Variants in GRIN2A observed in about 807,000 individuals in gnomAD.
GRIN2A encodes the protein glutamate ionotropic receptor NMDA type subunit 2A.
GRIN2A carries 22 observed loss-of-function variants against 113.4 expected under a neutral mutation model. The ratio of observed to expected loss-of-function variants is 0.19; its 90% CI spans 0.14 to 0.28. The LOEUF (loss-of-function observed/expected upper bound fraction) is 0.28. Among genes scored for constraint, GRIN2A ranks in the 10% least tolerant of loss-of-function variants. GRIN2A has a pLI of 1.00. For synonymous variants in GRIN2A, 827 were observed against 738.4 expected, an observed-to-expected ratio of 1.12 and a Z score of -1.94; for missense variants, 1,502 against 1,887.0, an observed-to-expected ratio of 0.80 and a Z score of 3.78.
intron 2 of GRIN2A, among the ~76,000 whole-genome samples, chr16:9,984,320 G>T (rs2045942675): frequency 6.6e-6 from 1 of 151,876 alleles, no homozygotes; most frequent in Admixed American, 6.6e-5. Flanking sequence ...CATTCTGCAG[G>T]TTGTCTCTTC....
chr16:10,049,825 A>AT (rs1369162024), intron 2 of GRIN2A, among the ~76,000 whole-genome samples: 1 of 152,086 alleles, frequency 6.6e-6, no homozygotes, highest in Non-Finnish European at 1.5e-5. Flanking sequence ...ATTTTGTGCA[A>AT]TTTTTTTGTG....
At chr16:10,126,083 A>G (rs1415873881) in intron 2 of GRIN2A, among the ~76,000 whole-genome samples, 1 of 152,054 alleles carries the variant, frequency 6.6e-6, no homozygotes, top group Non-Finnish European at 1.5e-5. Context: ...CTGAATTTTC[A>G]TTTTGCTTTT....
intron 2 of GRIN2A, among the ~76,000 whole-genome samples, chr16:10,172,719 G>C (rs563355692): frequency 6.6e-6 from 1 of 152,348 alleles, no homozygotes; most frequent in South Asian, 2.1e-4. Context: ...GCAGCATGAA[G>C]TTTGGATTTT....
chr16:9,812,659 GAAAA>G (rs1471725460), intron 10 of GRIN2A, among the ~76,000 whole-genome samples: 1 of 151,104 alleles, frequency 6.6e-6, no homozygotes, highest in Non-Finnish European at 1.5e-5. Flanking sequence ...AAAAAAGAAA[GAAAA>G]AAGAAATAAA....
intron 10 of GRIN2A, among the ~76,000 whole-genome samples, chr16:9,811,783 CAA>C (rs531910448): frequency 2.2e-4 from 33 of 152,172 alleles, no homozygotes; most frequent in African/African-American, 7.5e-4. Flanking sequence ...CAAAAACAAA[CAA>C]GAGGTGATCC....
chr16:10,085,888 C>A (rs1418476976), intron 2 of GRIN2A, among the ~76,000 whole-genome samples: 1 of 152,078 alleles, frequency 6.6e-6, no homozygotes, highest in African/African-American at 2.4e-5. Context: ...GGATTCAAAC[C>A]AACCAGTCTG....
At chr16:9,851,802 C>A (rs533410633) in intron 4 of GRIN2A, among the ~76,000 whole-genome samples, 2 of 152,172 alleles carry the variant, frequency 1.3e-5, no homozygotes, top group Non-Finnish European at 2.9e-5. Context: ...AAGAGAGCAA[C>A]AGGGTATGAC....
chr16:9,794,959 A>G (rs946754058), intron 11 of GRIN2A, among the ~76,000 whole-genome samples: 2 of 152,058 alleles, frequency 1.3e-5, no homozygotes, highest in African/African-American at 2.4e-5. Context: ...GGTGGTGGTG[A>G]TGGCCATGAT....
chr16:9,838,434 G>A (rs2042618777), intron 7 of GRIN2A, among the ~76,000 whole-genome samples: 1 of 152,028 alleles, frequency 6.6e-6, no homozygotes, highest in Admixed American at 6.6e-5. Flanking sequence ...AAGAAAATGT[G>A]GTATATATAC....
At chr16:9,786,682 T>C (rs927482961) in intron 11 of GRIN2A, among the ~76,000 whole-genome samples, 3 of 152,106 alleles carry the variant, frequency 2.0e-5, no homozygotes, top group African/African-American at 7.2e-5. Context: ...CATGTAAAGA[T>C]TAAAGCAAAG....
intron 2 of GRIN2A, among the ~76,000 whole-genome samples, chr16:10,156,257 T>C (rs2049692571): frequency 1.3e-5 from 2 of 152,232 alleles, no homozygotes; most frequent in South Asian, 4.1e-4. Context: ...TGGAATGGAC[T>C]CATGCCATAA....
At chr16:9,930,000 G>C (rs183031669) in intron 3 of GRIN2A, among the ~76,000 whole-genome samples, 1 of 152,194 alleles carries the variant, frequency 6.6e-6, no homozygotes, top group Non-Finnish European at 1.5e-5. Flanking sequence ...AATTGGAAAT[G>C]ATTGACTTGC....
In GRIN2A at chr16:9,982,574, T is replaced by G. The variant is rs539143401; in HGVS notation, c.415-44023A>C. Among the ~76,000 whole-genome samples the G allele has an allele frequency of 7.9e-5, 12 of 152,366 alleles. No individual in the cohort carries two copies. The South Asian group carries it at 2.3e-3, about 29-fold the overall frequency. On this transcript the variant is annotated intron_variant, in intron 2 of 12. Transcript: ENST00000330684. ...CCATGTATGTTTTCAGAACAATGAATTGGTTCCCTAGCATCCTCCAAGGGT... is the reference window on the plus strand; with the variant it reads ...CCATGTATGTTTTCAGAACAATGAAGTGGTTCCCTAGCATCCTCCAAGGGT...
intron 2 of GRIN2A, 43 bp downstream of exon 2, chr16:10,179,955 G>A: frequency 6.3e-7 from 1 of 1,576,094 alleles, no homozygotes; most frequent in Non-Finnish European, 8.7e-7. Context: ...CATGCAGCTG[G>A]TGGCTTCCCA....
At chr16:9,798,161 A>C (rs1045950641) in intron 11 of GRIN2A, 116 bp downstream of exon 11, 1 of 831,852 alleles carries the variant, frequency 1.2e-6, no homozygotes, top group Non-Finnish European at 2.0e-6. Flanking sequence ...GAACTCAGTA[A>C]ATATTTTTAG....
At chr16:10,091,162 G>T (rs12598133) in intron 2 of GRIN2A, among the ~76,000 whole-genome samples, 5 of 152,156 alleles carry the variant, frequency 3.3e-5, no homozygotes, top group African/African-American at 1.2e-4. Context: ...AAAACGTAAA[G>T]TTACTATATG....
chr16:9,909,978 T>C (rs561795496), intron 3 of GRIN2A, among the ~76,000 whole-genome samples: 1 of 152,362 alleles, frequency 6.6e-6, no homozygotes, highest in Non-Finnish European at 1.5e-5. Flanking sequence ...TGGCCTTTTG[T>C]GCCTGGCCTC....
intron 11 of GRIN2A, among the ~76,000 whole-genome samples, chr16:9,794,973 GGTGGTGATGATC>G (rs1221137032): frequency 1.3e-5 from 2 of 152,060 alleles, no homozygotes; most frequent in South Asian, 2.1e-4. Context: ...CCATGATGAT[GGTGGTGATGATC>G]GTGGTAATGA....
intron 2 of GRIN2A, among the ~76,000 whole-genome samples, chr16:10,164,314 A>G (rs947662750): frequency 8.5e-5 from 13 of 152,256 alleles, no homozygotes; most frequent in African/African-American, 2.9e-4. Context: ...AGACTGGCAA[A>G]GCAGAATATC....
Sources: allele counts gnomAD v4.1 joint callset (sites outside exome capture counted in the v4.1 genomes callset), GRCh38; gene constraint gnomAD v4.1.1; transcripts MANE v1.5; gene names NCBI Gene and HGNC (gene_info 2026-07-23, HGNC 2026-07-21).